BCAS3: variants seen among roughly 807,000 people sequenced by gnomAD.
BCAS3 encodes the protein BCAS4/BCAS3 fusion.
A neutral mutation model predicts 116.1 loss-of-function variants in BCAS3; 53 were observed. The observed-to-expected ratio is 0.46, with a 90% CI of 0.37 to 0.57. The LOEUF (loss-of-function observed/expected upper bound fraction) is 0.57. BCAS3 is among the 20% of genes least tolerant of loss of function. The probability of loss-of-function intolerance (pLI) is 0.00; values close to 1 mark genes in which losing one functional copy is unlikely to be tolerated. For missense variants in BCAS3, 917 were observed against 1,165.4 expected (o/e 0.79, Z 3.10); for synonymous variants, 391 against 408.2 (o/e 0.96, Z 0.51).
chr17:60,701,274 G>A (rs1187797588), intron 4 of BCAS3, among the ~76,000 whole-genome samples: 1 of 152,038 alleles, frequency 6.6e-6, no homozygotes, highest in Non-Finnish European at 1.5e-5. Flanking sequence ...AAGTCGGAGA[G>A]GAGAGCGATG....
chr17:61,048,928 A>T lies in BCAS3; in HGVS notation c.2029+8036A>T, dbSNP rs371408864. Among the ~76,000 whole-genome samples, 3 of 152,110 alleles carry T rather than the reference A, an allele frequency of 2.0e-5. No homozygotes were observed. In the South Asian group the frequency reaches 6.2e-4, roughly 32 times the overall value. On this transcript the variant is annotated intron_variant, in intron 19 of 23. Transcript: ENST00000407086. The stretch of plus-strand genomic sequence containing the variant: ...TCCATATGTTCAAAAAGTTAAGTAG[A>T]CTTCTCAATTACTTAGATCTAAATA...
intron 22 of BCAS3, among the ~76,000 whole-genome samples, chr17:61,345,984 G>A (rs963128584): frequency 6.6e-6 from 1 of 152,226 alleles, no homozygotes; most frequent in East Asian, 1.9e-4. Context: ...TGGAGTGAAG[G>A]TGAAGGTCGT....
In BCAS3 at chr17:61,376,991, C is replaced by T. The variant is rs1397637308; in HGVS notation, c.2593+8497C>T. 6.6e-6 allele frequency among the ~76,000 whole-genome samples: 1 copy of T among 152,208 alleles called. No individual in the cohort carries two copies. The highest frequency in any genetic ancestry group is 2.4e-5 in the African/African-American group (1 of 41,446). Reference sequence around the variant, plus strand: ...GGAGAAAAATAAGAGAGACAAGTTTCCTACCCTCAAAGAGATTAAAGCCCC... The same window carrying T: ...GGAGAAAAATAAGAGAGACAAGTTTTCTACCCTCAAAGAGATTAAAGCCCC... On this transcript the variant is annotated intron_variant, in intron 23 of 23. Transcript: ENST00000407086. The surrounding 1 kb of genome is among the most constrained non-coding windows in gnomAD (Gnocchi z 4.5).
intron 16 of BCAS3, among the ~76,000 whole-genome samples, chr17:61,022,571 CA>C (rs2065955526): frequency 6.6e-6 from 1 of 151,926 alleles, no homozygotes; most frequent in Admixed American, 6.6e-5. Flanking sequence ...AGTCAGCAGG[CA>C]TAAATTTCTA....
At chr17:60,681,949 C>A (rs570798783) in intron 2 of BCAS3, among the ~76,000 whole-genome samples, 1 of 152,108 alleles carries the variant, frequency 6.6e-6, no homozygotes, top group African/African-American at 2.4e-5. Flanking sequence ...AGGTTGGTCT[C>A]AAACTCCCAA....
Position 61,189,377 on chromosome 17 carries a change from C to T in BCAS3, c.2425+104813C>T, listed in dbSNP as rs968332309. Among the ~76,000 whole-genome samples, 1 of 152,168 alleles carries T rather than the reference C, an allele frequency of 6.6e-6. No individual in the cohort carries two copies. Among genetic ancestry groups the T allele is most frequent in the African/African-American group, 2.4e-5 (1 of 41,432 alleles). ...TGCCATCATATAAAGTCCTAGCAGG[C>T]AAGTCATAAGATATTAATCCAGAGC... On this transcript the variant is annotated intron_variant, in intron 22 of 23. Coordinates refer to ENST00000407086, the MANE Select transcript of BCAS3 (RefSeq NM_017679.5). The surrounding 1 kb of genome is among the most constrained non-coding windows in gnomAD (Gnocchi z 4.5).
At chr17:61,272,904 G>T (rs971463226) in intron 22 of BCAS3, among the ~76,000 whole-genome samples, 6 of 151,658 alleles carry the variant, frequency 4.0e-5, no homozygotes, top group Non-Finnish European at 7.4e-5. Flanking sequence ...AGTCCCTTTG[G>T]CTCACTTCTG....
chr17:61,281,179 T>C lies in BCAS3; in HGVS notation c.2426-87148T>C, dbSNP rs2051210878. Among the ~76,000 whole-genome samples, 1 of 152,214 alleles carries C rather than the reference T, an allele frequency of 6.6e-6. No homozygotes were observed. Among genetic ancestry groups the C allele is most frequent in the Admixed American group, 6.5e-5 (1 of 15,276 alleles). On this transcript the variant is annotated intron_variant, in intron 22 of 23. Coordinates refer to ENST00000407086, the MANE Select transcript of BCAS3 (RefSeq NM_017679.5). The surrounding 1 kb of genome is among the most constrained non-coding windows in gnomAD (Gnocchi z 4.2). ...TGGAGATTTTTCCTTTTTTAGTATT[T>C]ATAGAATTTCCTTAGAGACAACATA... is the stretch of plus-strand genomic sequence containing the variant.
In BCAS3 at chr17:61,087,270, A is replaced by G. The variant is rs2031676486; in HGVS notation, c.2425+2706A>G. 1.1e-6 allele frequency: 1 copy of G among 922,028 alleles called. No individual in the cohort carries two copies. Among genetic ancestry groups the G allele is most frequent in the Non-Finnish European group, 1.3e-6 (1 of 772,320 alleles). 57.1% of individuals were successfully genotyped at this position (922,028 alleles called of 1,614,324 possible). A position where few individuals can be genotyped will look rare whatever the true frequency, so the allele number is the denominator to read the frequency against. ...TGTGGCACCTCCTCTGTTGGTCTTC[A>G]TTGCCCTGTATTACCTTCAAGCATT... On this transcript the variant is annotated intron_variant, in intron 22 of 23. Coordinates refer to ENST00000407086, the MANE Select transcript of BCAS3 (RefSeq NM_017679.5). This position sits in a 1 kb window ranked among gnomAD's most constrained non-coding sequence, Gnocchi z 4.6.
chr17:61,353,164 G>A (rs550940796), intron 22 of BCAS3, among the ~76,000 whole-genome samples: 2 of 152,292 alleles, frequency 1.3e-5, no homozygotes, highest in Non-Finnish European at 2.9e-5. Context: ...TCTGTCACAG[G>A]CCATGTCCTG....
chr17:61,305,896 A>AAAT (rs1372042001), intron 22 of BCAS3, among the ~76,000 whole-genome samples: 1 of 152,130 alleles, frequency 6.6e-6, no homozygotes, highest in Non-Finnish European at 1.5e-5. Flanking sequence ...ACTCCATCTC[A>AAAT]AATAATAATA....
intron 22 of BCAS3, among the ~76,000 whole-genome samples, chr17:61,216,249 C>G (rs2081777833): frequency 6.6e-6 from 1 of 152,136 alleles, no homozygotes; most frequent in South Asian, 2.1e-4. Flanking sequence ...CGGCCTGAGA[C>G]AGATGAGTGG....
In BCAS3 at chr17:61,302,182, G is replaced by A. The variant is rs143931471; in HGVS notation, c.2426-66145G>A. 4.6e-3 allele frequency among the ~76,000 whole-genome samples: 705 copies of A among 152,000 alleles called. 6 individuals are homozygous for A. The highest frequency in any genetic ancestry group is 0.016 in the African/African-American group (654 of 41,456). On this transcript the variant is annotated intron_variant, in intron 22 of 23. Coordinates refer to ENST00000407086, the MANE Select transcript of BCAS3 (RefSeq NM_017679.5). This position sits in a 1 kb window ranked among gnomAD's most constrained non-coding sequence, Gnocchi z 4.4. ...AGAGCCAAAAACTCCCCCCTCCCCC[G>A]ACTCCCAGGGTTCTCCTGTTCTCTC...
chr17:60,714,114 G>A (rs924780995), intron 5 of BCAS3, among the ~76,000 whole-genome samples: 1 of 152,160 alleles, frequency 6.6e-6, no homozygotes, highest in Non-Finnish European at 1.5e-5. Context: ...TGGGATTACA[G>A]GCGTGAGCTA....
Position 60,990,133 on chromosome 17 carries a change from G to A in BCAS3, c.1384G>A (p.Ala462Thr). ...VNRMSRFQKS[A>T]GLEEIEQELT... is the part of the protein sequence containing the mutation. ...TCGCATGAGCCGTTTCCAGAAAAGTGCTGGACTGGAAGAGATTGAACAAGA... is the reference window on the plus strand; with the variant it reads ...TCGCATGAGCCGTTTCCAGAAAAGTACTGGACTGGAAGAGATTGAACAAGA... The change falls in exon 15 of 24, where the codon GCT becomes ACT. Residue 462 changes from alanine to threonine, a missense_variant. Transcript: ENST00000407086. This position sits in a 1 kb window ranked among gnomAD's most constrained non-coding sequence, Gnocchi z 5.1. 6.2e-7 allele frequency: 1 copy of A among 1,614,162 alleles called. No homozygotes were observed. Among genetic ancestry groups the A allele is most frequent in the Non-Finnish European group, 8.5e-7 (1 of 1,180,022 alleles).
chr17:60,785,745 A>G (rs1392276186), intron 6 of BCAS3, among the ~76,000 whole-genome samples: 1 of 152,190 alleles, frequency 6.6e-6, no homozygotes, highest in Non-Finnish European at 1.5e-5. Context: ...ACAGTTATCT[A>G]AAAAATAAAA....
rs2061424610 is a variant in BCAS3, at chr17:60,961,804, T to C, written c.1221+14452T>C. Among the ~76,000 whole-genome samples, 1 of 151,930 alleles carries C rather than the reference T, an allele frequency of 6.6e-6. No homozygotes were observed. The highest frequency in any genetic ancestry group is 2.4e-5 in the African/African-American group (1 of 41,442). ...TTTTTTTTTCACATCAGATGGATAA[T>C]GTGCTGACATTGTAACGAGGCTTGA... is the stretch of plus-strand genomic sequence containing the variant. On this transcript the variant is annotated intron_variant, in intron 14 of 23. Coordinates refer to ENST00000407086, the MANE Select transcript of BCAS3 (RefSeq NM_017679.5). This position sits in a 1 kb window ranked among gnomAD's most constrained non-coding sequence, Gnocchi z 4.8.
rs1165868393 is a variant in BCAS3 at position 61,366,324 on chromosome 17, TC to T, written c.2426-2002del. The stretch of plus-strand genomic sequence containing the variant: ...CTGGAAGTGGGGACTTTGCTTAATC[TC>T]TTCACTCCTGTGAGACAGGGCAAAG... On this transcript the variant is annotated intron_variant, in intron 22 of 23. Transcript: ENST00000407086. This position sits in a 1 kb window ranked among gnomAD's most constrained non-coding sequence, Gnocchi z 4.5. Among the ~76,000 whole-genome samples the T allele has an allele frequency of 6.6e-6, 1 of 152,200 alleles. No individual in the cohort carries two copies. The highest frequency in any genetic ancestry group is 1.5e-5 in the Non-Finnish European group (1 of 68,038).
intron 12 of BCAS3, among the ~76,000 whole-genome samples, chr17:60,920,591 C>G (rs1327279273): frequency 6.6e-6 from 1 of 152,150 alleles, no homozygotes; most frequent in Non-Finnish European, 1.5e-5. Context: ...CAAAAACTGG[C>G]TGGGCCTGGT....
Sources: gnomAD v4.1 joint callset for allele counts (sites outside exome capture counted in the v4.1 genomes callset) on GRCh38, gnomAD v4.1.1 for gene constraint, Gnocchi (gnomAD v3.1) non-coding constraint, MANE v1.5 for transcripts, NCBI Gene and HGNC (gene_info 2026-07-23, HGNC 2026-07-21) for gene names.